Variants in SPOCK3 observed in about 807,000 individuals in gnomAD.
SPOCK3 encodes SPARC (osteonectin), cwcv and kazal like domains proteoglycan 3.
Under a neutral mutation model 56.6 loss-of-function variants are expected in SPOCK3, and 30 were observed. That is an observed-to-expected ratio of 0.53 (90% confidence interval 0.40 to 0.72). The LOEUF (loss-of-function observed/expected upper bound fraction) is 0.72. SPOCK3 is among the 30% of genes least tolerant of loss of function. The pLI is 0.00. For synonymous variants in SPOCK3, 196 were observed against 183.3 expected, an observed-to-expected ratio of 1.07 and a Z score of -0.56; for missense variants, 527 against 530.0, an observed-to-expected ratio of 0.99 and a Z score of 0.06.
At position 166,734,228 on chromosome 4, in the gene SPOCK3, A is replaced by T. The variant is rs111907893; in HGVS notation, c.*693T>A. 1.1e-4 allele frequency: 16 copies of T among 151,892 alleles called. No individual in the cohort carries two copies. The highest frequency in any genetic ancestry group is 3.9e-4 in the African/African-American group (16 of 41,454). The allele number at this position is 151,892 out of a possible 1,614,324, so 9.4% of individuals were successfully genotyped here. A position where few individuals can be genotyped will look rare whatever the true frequency, so the allele number is the denominator to read the frequency against. On this transcript the variant is annotated 3_prime_UTR_variant, in exon 11 of 11. Coordinates refer to ENST00000357545, the MANE Select transcript of SPOCK3 (RefSeq NM_001040159.2). Reference sequence around the variant, plus strand: ...TTAAAGAATCTTTTAAAAAATCTGCATGAGACTGCCATCCAAATTAAAATA... The same window carrying T: ...TTAAAGAATCTTTTAAAAAATCTGCTTGAGACTGCCATCCAAATTAAAATA...
intron 2 of SPOCK3, among the ~76,000 whole-genome samples, chr4:167,170,570 C>T (rs1344811605): frequency 1.3e-5 from 2 of 152,066 alleles, no homozygotes; most frequent in African/African-American, 4.8e-5. Flanking sequence ...GTTTTACTAA[C>T]GAGAAGACCA....
chr4:166,966,487 T>C (rs1744750713), intron 4 of SPOCK3, among the ~76,000 whole-genome samples: 1 of 152,186 alleles, frequency 6.6e-6, no homozygotes, highest in South Asian at 2.1e-4. Flanking sequence ...TGCGTCCTTC[T>C]GATTTCTTTA....
chr4:166,816,394 T>C (rs1744383375), intron 6 of SPOCK3, among the ~76,000 whole-genome samples: 1 of 152,118 alleles, frequency 6.6e-6, no homozygotes, highest in Admixed American at 6.6e-5. Context: ...TTATTCATTC[T>C]GCTAATTCAT....
At chr4:166,979,598 A>C (rs1243568374) in intron 4 of SPOCK3, among the ~76,000 whole-genome samples, 1 of 151,988 alleles carries the variant, frequency 6.6e-6, no homozygotes, top group African/African-American at 2.4e-5. Context: ...TTCACCTTAA[A>C]ATTTTGCTTG....
chr4:166,889,069 T>G, intron 6 of SPOCK3, 61 bp downstream of exon 6: 1 of 1,021,198 alleles, frequency 9.8e-7, no homozygotes, highest in Non-Finnish European at 1.5e-6. Flanking sequence ...CAACATCTAT[T>G]GCAAAACATT....
chr4:166,952,018 G>T (rs2150038310), intron 4 of SPOCK3, among the ~76,000 whole-genome samples: 1 of 152,206 alleles, frequency 6.6e-6, no homozygotes, highest in African/African-American at 2.4e-5. Flanking sequence ...TTTGAAAACT[G>T]GCACAAGACA....
chr4:167,219,354 A>G (rs915837984), intron 2 of SPOCK3, among the ~76,000 whole-genome samples: 1 of 152,214 alleles, frequency 6.6e-6, no homozygotes, highest in Non-Finnish European at 1.5e-5. Flanking sequence ...ATTTCAGAGT[A>G]TCTTGCCTAT....
intron 2 of SPOCK3, among the ~76,000 whole-genome samples, chr4:167,099,179 A>G (rs1471440399): frequency 6.6e-6 from 1 of 151,964 alleles, no homozygotes; most frequent in East Asian, 1.9e-4. Flanking sequence ...GTTAATATAT[A>G]CAATTATATT....
At chr4:167,084,389 T>C (rs1360943531) in intron 2 of SPOCK3, among the ~76,000 whole-genome samples, 1 of 152,036 alleles carries the variant, frequency 6.6e-6, no homozygotes, top group African/African-American at 2.4e-5. Flanking sequence ...TCTGTATATT[T>C]CTCTCTTTTA....
chr4:166,965,080 G>A (rs954075407), intron 4 of SPOCK3, among the ~76,000 whole-genome samples: 1 of 151,864 alleles, frequency 6.6e-6, no homozygotes, highest in African/African-American at 2.4e-5. Flanking sequence ...GTGGACTAAT[G>A]ACTGTTTATC....
intron 2 of SPOCK3, among the ~76,000 whole-genome samples, chr4:167,075,723 C>A (rs1410405162): frequency 2.6e-5 from 4 of 151,942 alleles, no homozygotes; most frequent in Non-Finnish European, 5.9e-5. Context: ...CTCCCTGCAA[C>A]CTTGACTTCC....
intron 3 of SPOCK3, among the ~76,000 whole-genome samples, chr4:167,022,674 A>C (rs948630939): frequency 6.6e-6 from 1 of 152,060 alleles, no homozygotes; most frequent in African/African-American, 2.4e-5. Context: ...ACCCTGAAAC[A>C]TAGTGATAAA....
chr4:167,040,803 G>T (rs952512298), intron 3 of SPOCK3, among the ~76,000 whole-genome samples: 3 of 152,158 alleles, frequency 2.0e-5, no homozygotes, highest in African/African-American at 7.2e-5. Context: ...AGATTAGAAA[G>T]ATGAAACTTA....
chr4:166,940,158 C>T (rs944603936), intron 4 of SPOCK3, among the ~76,000 whole-genome samples: 1 of 152,134 alleles, frequency 6.6e-6, no homozygotes, highest in Non-Finnish European at 1.5e-5. Context: ...ATTGCTAAAA[C>T]AATCTAGGAA....
intron 2 of SPOCK3, among the ~76,000 whole-genome samples, 180 bp downstream of exon 2, chr4:167,233,805 G>T (rs1053429149): frequency 2.0e-5 from 3 of 152,052 alleles, no homozygotes; most frequent in Admixed American, 6.6e-5. Flanking sequence ...ACAAGCCCTT[G>T]AACCAGCTGG....
At chr4:166,904,785 C>T (rs1254552246) in intron 5 of SPOCK3, among the ~76,000 whole-genome samples, 2 of 151,928 alleles carry the variant, frequency 1.3e-5, no homozygotes, top group Admixed American at 6.6e-5. Context: ...TTTCTATAAC[C>T]TTTTTGAAGA....
chr4:166,819,402 G>A (rs1276118031), intron 6 of SPOCK3, among the ~76,000 whole-genome samples: 2 of 151,938 alleles, frequency 1.3e-5, no homozygotes, highest in Non-Finnish European at 2.9e-5. Flanking sequence ...TAAACGTAAG[G>A]TATCAGGATT....
At chr4:166,773,723 A>G (rs1360859933) in intron 7 of SPOCK3, among the ~76,000 whole-genome samples, 1 of 152,180 alleles carries the variant, frequency 6.6e-6, no homozygotes, top group Non-Finnish European at 1.5e-5. Flanking sequence ...TGTTTTAGCT[A>G]ACATTCCATT....
chr4:166,950,495 A>C (rs574290062), intron 4 of SPOCK3, among the ~76,000 whole-genome samples: 1,751 of 151,888 alleles, frequency 0.012, 38 homozygotes, highest in African/African-American at 0.04. Flanking sequence ...GGGAGACTTT[A>C]ACACCCCGCT....
Sources: allele counts gnomAD v4.1 joint callset (sites outside exome capture counted in the v4.1 genomes callset), GRCh38; gene constraint gnomAD v4.1.1; transcripts MANE v1.5; gene names NCBI Gene and HGNC (gene_info 2026-07-23, HGNC 2026-07-21).